Variants in PRICKLE1 observed in about 807,000 individuals in gnomAD.
The protein encoded by PRICKLE1 is prickle-like protein 1.
PRICKLE1 carries 14 observed loss-of-function variants against 70.2 expected under a neutral mutation model. The observed-to-expected ratio is 0.20, with a 90% CI of 0.13 to 0.31. The LOEUF is 0.31. Ranked by LOEUF, PRICKLE1 falls within the 10% of genes least tolerant of loss-of-function variation. The probability of loss-of-function intolerance (pLI) is 1.00; values close to 1 mark genes in which losing one functional copy is unlikely to be tolerated. For missense variants in PRICKLE1, 821 were observed against 1,026.2 expected (o/e 0.80, Z 2.73); for synonymous variants, 357 against 379.9 (o/e 0.94, Z 0.70).
intron 1 of PRICKLE1, among the ~76,000 whole-genome samples, chr12:42,538,488 G>A (rs77757191): frequency 0.01 from 1,524 of 152,230 alleles, 28 homozygotes; most frequent in African/African-American, 0.034. Context: ...GTAGGGGTGC[G>A]GGGGTGGAAG....
intron 1 of PRICKLE1, among the ~76,000 whole-genome samples, chr12:42,506,207 A>C (rs1939408620): frequency 6.6e-6 from 1 of 151,900 alleles, no homozygotes; most frequent in African/African-American, 2.4e-5. Context: ...TTCTCAAATG[A>C]AAGTTAACTT....
chr12:42,522,126 C>A (rs913977765), intron 1 of PRICKLE1, among the ~76,000 whole-genome samples: 1 of 152,052 alleles, frequency 6.6e-6, no homozygotes, highest in Non-Finnish European at 1.5e-5. Context: ...TAGGCACATG[C>A]CACCATGCCC....
At chr12:42,537,595 A>G (rs1487662111) in intron 1 of PRICKLE1, among the ~76,000 whole-genome samples, 1 of 152,222 alleles carries the variant, frequency 6.6e-6, no homozygotes, top group Non-Finnish European at 1.5e-5. Context: ...CATCACTTTG[A>G]TTCAATCATT....
chr12:42,528,612 T>C (rs1173639000), intron 1 of PRICKLE1, among the ~76,000 whole-genome samples: 1 of 152,198 alleles, frequency 6.6e-6, no homozygotes, highest in East Asian at 1.9e-4. Context: ...CAATAAGTTA[T>C]AAAGGAGTTA....
At chr12:42,514,886 G>T (rs926568262) in intron 1 of PRICKLE1, among the ~76,000 whole-genome samples, 2 of 108,428 alleles carry the variant, frequency 1.8e-5, no homozygotes, top group Admixed American at 1.0e-4. Context: ...TTTAAGGCTC[G>T]CTCTATCTAT....
chr12:42,461,728 G>C (rs1937843931), intron 7 of PRICKLE1, among the ~76,000 whole-genome samples: 1 of 152,174 alleles, frequency 6.6e-6, no homozygotes, highest in Non-Finnish European at 1.5e-5. Context: ...ATAGGACCCA[G>C]GCATGTTAAG....
chr12:42,480,661 T>C (rs1203904665), intron 1 of PRICKLE1, among the ~76,000 whole-genome samples: 1 of 152,212 alleles, frequency 6.6e-6, no homozygotes, highest in African/African-American at 2.4e-5. Flanking sequence ...CCTTGACATA[T>C]ACATAAATGA....
At chr12:42,461,346 A>G (rs1447537464) in intron 7 of PRICKLE1, among the ~76,000 whole-genome samples, 1 of 152,240 alleles carries the variant, frequency 6.6e-6, no homozygotes. Context: ...ACACTGCTTC[A>G]TTTGGAGATC....
chr12:42,535,556 C>A (rs138520655), intron 1 of PRICKLE1, among the ~76,000 whole-genome samples: 1 of 152,264 alleles, frequency 6.6e-6, no homozygotes, highest in South Asian at 2.1e-4. Flanking sequence ...GTTTGAGAAT[C>A]CCAGTGGTTA....
intron 1 of PRICKLE1, among the ~76,000 whole-genome samples, chr12:42,502,446 C>CA (rs1045795893): frequency 1.3e-5 from 2 of 151,604 alleles, no homozygotes; most frequent in African/African-American, 4.9e-5. Context: ...TGGCTGGGAC[C>CA]ATGAGCACAC....
At chr12:42,471,595 T>C (rs1205833480) in intron 2 of PRICKLE1, among the ~76,000 whole-genome samples, 1 of 152,218 alleles carries the variant, frequency 6.6e-6, no homozygotes, top group Non-Finnish European at 1.5e-5. Context: ...TGCTATGCCA[T>C]GGATAAATAA....
chr12:42,525,983 G>A (rs1343143965), intron 1 of PRICKLE1, among the ~76,000 whole-genome samples: 2 of 152,188 alleles, frequency 1.3e-5, no homozygotes, highest in Non-Finnish European at 2.9e-5. Context: ...AGGTAATATA[G>A]GGCATTTGAG....
intron 1 of PRICKLE1, among the ~76,000 whole-genome samples, chr12:42,526,281 C>T (rs1293538929): frequency 6.6e-6 from 1 of 151,712 alleles, no homozygotes; most frequent in African/African-American, 2.4e-5. Context: ...AGCTTTACAA[C>T]CTGGTAGGGG....
At chr12:42,491,539 G>A (rs1456986494) in intron 1 of PRICKLE1, among the ~76,000 whole-genome samples, 2 of 151,936 alleles carry the variant, frequency 1.3e-5, no homozygotes, top group Non-Finnish European at 2.9e-5. Context: ...GGTGACAAGA[G>A]AGAAACTCTG....
At chr12:42,525,141 A>T (rs995730035) in intron 1 of PRICKLE1, 2 of 152,178 alleles carry the variant, frequency 1.3e-5, no homozygotes, top group African/African-American at 4.8e-5. Flanking sequence ...AAATTTAATC[A>T]ATCATACCTA....
In PRICKLE1 at chr12:42,464,676, G is replaced by T. The variant is rs773422113; in HGVS notation, c.1358C>A (p.Thr453Asn). ...GCTCTGGTTATTTTGCTTTAACTCG[G>T]TCTTACTTTTAACCATGTTATCAGA... Reference protein sequence around the residue: ...WISDNMVKSKTELKQNNQSLA... With the variant: ...WISDNMVKSKNELKQNNQSLA... The change falls in exon 7 of 8, where the codon ACC (threonine) becomes AAC (asparagine). Residue 453 changes from threonine (T) to asparagine (N), a missense_variant. Coordinates refer to ENST00000345127, the MANE Select transcript of PRICKLE1 (RefSeq NM_153026.3). The surrounding 1 kb of genome is among the most constrained non-coding windows in gnomAD (Gnocchi z 4.2). 15 of 1,613,854 alleles carry T rather than the reference G, an allele frequency of 9.3e-6. No individual in the cohort carries two copies. The highest frequency in any genetic ancestry group is 1.2e-5 in the Non-Finnish European group (14 of 1,179,996).
intron 1 of PRICKLE1, among the ~76,000 whole-genome samples, chr12:42,525,587 G>A (rs558990830): frequency 7.6e-4 from 115 of 152,274 alleles, no homozygotes; most frequent in African/African-American, 2.5e-3. Context: ...GCAGCTGGTG[G>A]CCACTGCAGA....
At chr12:42,522,501 G>A (rs1939729657) in intron 1 of PRICKLE1, among the ~76,000 whole-genome samples, 1 of 151,978 alleles carries the variant, frequency 6.6e-6, no homozygotes, top group Non-Finnish European at 1.5e-5. Context: ...GATCAAATCT[G>A]GTTTCTAAAT....
At chr12:42,468,518 A>T in intron 5 of PRICKLE1, 108 bp downstream of exon 5, 1 of 994,684 alleles carries the variant, frequency 1.0e-6, no homozygotes, top group Non-Finnish European at 1.6e-6. Flanking sequence ...AAACATGCAC[A>T]CAGAACAAAA....
Sources: gnomAD v4.1 joint callset for allele counts (sites outside exome capture counted in the v4.1 genomes callset) on GRCh38, gnomAD v4.1.1 for gene constraint, Gnocchi (gnomAD v3.1) non-coding constraint, MANE v1.5 for transcripts, NCBI Gene and HGNC (gene_info 2026-07-23, HGNC 2026-07-21) for gene names.